GLDC: variants seen among roughly 807,000 people sequenced by gnomAD.
The protein encoded by GLDC is glycine decarboxylase.
A neutral mutation model predicts 121.3 loss-of-function variants in GLDC; 104 were observed. The observed-to-expected ratio is 0.86, with a 90% CI of 0.73 to 1.01. The LOEUF (loss-of-function observed/expected upper bound fraction) is 1.01. GLDC is among the 50% of genes least tolerant of loss of function. The probability of loss-of-function intolerance (pLI) is 0.00; values close to 1 mark genes in which losing one functional copy is unlikely to be tolerated. For missense variants in GLDC, 1,429 were observed against 1,306.6 expected (o/e 1.09, Z -1.44); for synonymous variants, 546 against 480.6 (o/e 1.14, Z -1.78).
chr9:6,602,506 C>T (rs766556042), intron 7 of GLDC, among the ~76,000 whole-genome samples: 7 of 151,892 alleles, frequency 4.6e-5, no homozygotes, highest in Non-Finnish European at 1.0e-4. Flanking sequence ...CCTCCTGACA[C>T]CACGCCCAGC....
At chr9:6,619,484 T>C (rs1022510100) in intron 3 of GLDC, among the ~76,000 whole-genome samples, 16 of 151,974 alleles carry the variant, frequency 1.1e-4, no homozygotes, top group African/African-American at 3.4e-4. Context: ...TCCCAGCACT[T>C]TGGGAGGCTG....
Position 6,605,270 on chromosome 9 carries a change from C to G in GLDC, c.722G>C (p.Gly241Ala). The part of the protein sequence containing the change: ...AVVQTRAKYT[G>A]VLTELKLPCE... ...GGGTAACTTCAGCTCAGTGAGGACT[C>G]CAGTATATCTGGAAAGACAGACAAC... The change falls in exon 6 of 25, where the codon GGA becomes GCA. Residue 241 changes from glycine (G) to alanine (A), a missense_variant. Gly to Ala is a moderately conservative substitution (Grantham distance 60). Coordinates refer to ENST00000321612, the MANE Select transcript of GLDC (RefSeq NM_000170.3). The G allele has an allele frequency of 6.2e-7, 1 of 1,613,828 alleles. No individual in the cohort carries two copies. Among genetic ancestry groups the G allele is most frequent in the South Asian group, 1.1e-5 (1 of 91,072 alleles).
At chr9:6,544,379 A>G (rs928240577) in intron 21 of GLDC, among the ~76,000 whole-genome samples, 1 of 152,164 alleles carries the variant, frequency 6.6e-6, no homozygotes, top group Non-Finnish European at 1.5e-5. Flanking sequence ...ATTTGCAGGC[A>G]AAGTCGCTGT....
At chr9:6,626,620 A>G (rs929044333) in intron 2 of GLDC, among the ~76,000 whole-genome samples, 2 of 152,126 alleles carry the variant, frequency 1.3e-5, no homozygotes, top group African/African-American at 4.8e-5. Flanking sequence ...CAGAGCTGCT[A>G]TGGGGGATGG....
chr9:6,599,416 G>C (rs549709296), intron 8 of GLDC, among the ~76,000 whole-genome samples: 106 of 151,856 alleles, frequency 7.0e-4, no homozygotes, highest in African/African-American at 2.5e-3. Flanking sequence ...CAGAAAGTGA[G>C]GCCACCATAT....
intron 2 of GLDC, among the ~76,000 whole-genome samples, chr9:6,638,218 GT>G (rs998469025): frequency 3.8e-4 from 54 of 142,978 alleles, no homozygotes; most frequent in African/African-American, 6.6e-4. Flanking sequence ...TTTGTTTGTT[GT>G]TTTTTTTTTT....
At chr9:6,547,212 C>T (rs959659859) in intron 21 of GLDC, among the ~76,000 whole-genome samples, 2 of 151,912 alleles carry the variant, frequency 1.3e-5, no homozygotes, top group Admixed American at 6.6e-5. Flanking sequence ...GGGAAAAAAC[C>T]AATAGGATGC....
chr9:6,547,666 C>G (rs1255712164), intron 21 of GLDC, among the ~76,000 whole-genome samples: 2 of 152,080 alleles, frequency 1.3e-5, no homozygotes, highest in African/African-American at 4.8e-5. Context: ...AAATTTCAAG[C>G]AAAGGATACT....
chr9:6,607,022 C>A (rs111557682), intron 4 of GLDC, among the ~76,000 whole-genome samples: 7 of 151,608 alleles, frequency 4.6e-5, no homozygotes, highest in African/African-American at 1.2e-4. Context: ...AAGATTGCAC[C>A]GCTGCTGCAC....
chr9:6,548,685 G>C (rs1258081309), intron 21 of GLDC, among the ~76,000 whole-genome samples: 1 of 152,130 alleles, frequency 6.6e-6, no homozygotes, highest in Non-Finnish European at 1.5e-5. Flanking sequence ...GGTGCAGGCG[G>C]GTGGGCTGGT....
intron 2 of GLDC, among the ~76,000 whole-genome samples, chr9:6,621,202 T>TA (rs1819086027): frequency 2.0e-5 from 3 of 152,094 alleles, no homozygotes; most frequent in Admixed American, 2.0e-4. Context: ...AACACACCCT[T>TA]ATGCAGTTTC....
chr9:6,598,826 C>G (rs1173336439), intron 8 of GLDC, among the ~76,000 whole-genome samples: 1 of 152,178 alleles, frequency 6.6e-6, no homozygotes, highest in Non-Finnish European at 1.5e-5. Context: ...AAGATACAGA[C>G]CTTTCAACCC....
At chr9:6,558,757 C>T in intron 16 of GLDC, 73 bp from the exon 17 acceptor site, 2 of 1,525,910 alleles carry the variant, frequency 1.3e-6, no homozygotes, top group African/African-American at 1.4e-5. Context: ...AAAAGTACTA[C>T]AACATGCTTG....
intron 9 of GLDC, among the ~76,000 whole-genome samples, chr9:6,594,470 CG>C (rs1161548215): frequency 6.6e-6 from 1 of 151,906 alleles, no homozygotes; most frequent in African/African-American, 2.4e-5. Context: ...CCAAAGTGGA[CG>C]GATTTCTTGA....
intron 16 of GLDC, among the ~76,000 whole-genome samples, chr9:6,564,356 C>T (rs137866343): frequency 2.6e-5 from 4 of 152,260 alleles, no homozygotes; most frequent in East Asian, 3.9e-4. Context: ...AATGTTCCTT[C>T]GTTTCCCCTG....
intron 21 of GLDC, among the ~76,000 whole-genome samples, chr9:6,546,365 CTT>C (rs34760385): frequency 1.1e-4 from 15 of 138,018 alleles, no homozygotes; most frequent in African/African-American, 1.1e-4. Context: ...TTAATTTTTT[CTT>C]TTTTTTTTTT....
chr9:6,556,716 C>G (rs1817638701), intron 17 of GLDC, among the ~76,000 whole-genome samples: 1 of 151,722 alleles, frequency 6.6e-6, no homozygotes, highest in African/African-American at 2.4e-5. Context: ...ATTGCTTGAA[C>G]CGGTGAGGTG....
intron 21 of GLDC, chr9:6,540,729 A>G (rs1002762542): frequency 2.5e-5 from 4 of 159,570 alleles, no homozygotes; most frequent in African/African-American, 9.6e-5. Context: ...GCGACGTCAA[A>G]CAGTATACCG....
intron 2 of GLDC, among the ~76,000 whole-genome samples, chr9:6,622,551 G>T (rs1198880137): frequency 6.6e-6 from 1 of 152,120 alleles, no homozygotes; most frequent in East Asian, 1.9e-4. Context: ...GTGCTCAATG[G>T]TGCCCAGGCT....
Sources: allele counts gnomAD v4.1 joint callset (sites outside exome capture counted in the v4.1 genomes callset), GRCh38; gene constraint gnomAD v4.1.1; transcripts MANE v1.5; gene names NCBI Gene and HGNC (gene_info 2026-07-23, HGNC 2026-07-21).